RIMS2: variants seen among roughly 807,000 people sequenced by gnomAD.
The protein encoded by RIMS2 is regulating synaptic membrane exocytosis 2, also known as regulating synaptic membrane exocytosis protein 2.
RIMS2 carries 59 observed loss-of-function variants against 174.4 expected under a neutral mutation model. The ratio of observed to expected loss-of-function variants is 0.34; its 90% CI spans 0.27 to 0.42. The LOEUF (loss-of-function observed/expected upper bound fraction) is 0.42. RIMS2 is among the 10% of genes least tolerant of loss of function. The pLI is 1.00. For missense variants in RIMS2, 1,620 were observed against 1,666.3 expected, an observed-to-expected ratio of 0.97 and a Z score of 0.48; for synonymous variants, 606 against 572.5, an observed-to-expected ratio of 1.06 and a Z score of -0.84.
intron 1 of RIMS2, among the ~76,000 whole-genome samples, chr8:103,661,465 T>G (rs2096599205): frequency 1.3e-5 from 2 of 152,278 alleles, no homozygotes; most frequent in Admixed American, 1.3e-4. Flanking sequence ...CTAATTTCCC[T>G]AATTTCCCAT....
intron 12 of RIMS2, among the ~76,000 whole-genome samples, chr8:103,933,421 A>G (rs1433975593): frequency 6.6e-6 from 1 of 152,070 alleles, no homozygotes; most frequent in East Asian, 1.9e-4. Context: ...GCGAGGCATA[A>G]GTTGCAGTGA....
intron 1 of RIMS2, among the ~76,000 whole-genome samples, chr8:103,537,469 A>G (rs966086020): frequency 4.6e-5 from 7 of 152,210 alleles, no homozygotes; most frequent in African/African-American, 1.7e-4. Context: ...TATTTGTCAA[A>G]GAGTAGTTCT....
chr8:103,585,126 C>T (rs1439904627), intron 1 of RIMS2, among the ~76,000 whole-genome samples: 2 of 152,202 alleles, frequency 1.3e-5, no homozygotes, highest in Non-Finnish European at 2.9e-5. Context: ...ATGCGGCCAA[C>T]AAACATATGA....
chr8:103,554,096 C>T (rs1055302887), intron 1 of RIMS2, among the ~76,000 whole-genome samples: 2 of 152,026 alleles, frequency 1.3e-5, no homozygotes, highest in African/African-American at 4.8e-5. Context: ...CTCTAAATAT[C>T]CTGAAGATAA....
At chr8:103,555,077 T>G (rs970239111) in intron 1 of RIMS2, among the ~76,000 whole-genome samples, 2 of 152,130 alleles carry the variant, frequency 1.3e-5, no homozygotes, top group Non-Finnish European at 2.9e-5. Flanking sequence ...CTACCTATCA[T>G]GTACTGTGCT....
At chr8:103,844,481 G>A (rs2098957548) in intron 3 of RIMS2, among the ~76,000 whole-genome samples, 1 of 152,082 alleles carries the variant, frequency 6.6e-6, no homozygotes, top group Non-Finnish European at 1.5e-5. Context: ...TTGAAGGTTG[G>A]TTATGATTCT....
chr8:103,770,041 A>T (rs1244665040), intron 3 of RIMS2, among the ~76,000 whole-genome samples: 1 of 152,204 alleles, frequency 6.6e-6, no homozygotes, highest in Non-Finnish European at 1.5e-5. Flanking sequence ...TTTAAAATGC[A>T]GATTATACAG....
chr8:104,093,133 TAAAAA>T (rs966867439), intron 19 of RIMS2, among the ~76,000 whole-genome samples: 1 of 151,850 alleles, frequency 6.6e-6, no homozygotes, highest in African/African-American at 2.4e-5. Context: ...TATTAAAAAA[TAAAAA>T]AAATTCTACT....
chr8:103,917,841 G>A (rs551413543), intron 8 of RIMS2, among the ~76,000 whole-genome samples: 2 of 151,978 alleles, frequency 1.3e-5, no homozygotes, highest in Admixed American at 6.6e-5. Flanking sequence ...GTGAAACCTC[G>A]TCTCTGCTAA....
chr8:104,165,834 A>G (rs2098793497), intron 19 of RIMS2, among the ~76,000 whole-genome samples: 1 of 152,142 alleles, frequency 6.6e-6, no homozygotes, highest in Non-Finnish European at 1.5e-5. Context: ...CTAAATATCC[A>G]TTCAATTATG....
chr8:103,842,777 G>A (rs1347324489), intron 3 of RIMS2, among the ~76,000 whole-genome samples: 2 of 152,156 alleles, frequency 1.3e-5, no homozygotes, highest in African/African-American at 4.8e-5. Context: ...GTATTAGTTT[G>A]CTAGGGCTGC....
chr8:103,776,769 G>C (rs77950978), intron 3 of RIMS2, among the ~76,000 whole-genome samples: 3,934 of 152,170 alleles, frequency 0.026, 168 homozygotes, highest in African/African-American at 0.088. Flanking sequence ...AAAGTTAGTA[G>C]AATTATTTTA....
intron 1 of RIMS2, among the ~76,000 whole-genome samples, chr8:103,520,161 A>G (rs1040662859): frequency 1.3e-5 from 2 of 152,156 alleles, no homozygotes; most frequent in African/African-American, 2.4e-5. Context: ...ATTAAAAACA[A>G]TGACTATTTC....
At chr8:103,806,287 T>C (rs2098649428) in intron 3 of RIMS2, among the ~76,000 whole-genome samples, 1 of 152,212 alleles carries the variant, frequency 6.6e-6, no homozygotes, top group South Asian at 2.1e-4. Flanking sequence ...CTGAAGGCCT[T>C]GTTCTTTTTA....
intron 3 of RIMS2, among the ~76,000 whole-genome samples, chr8:103,863,906 T>G (rs2099071830): frequency 1.7e-5 from 2 of 120,922 alleles, no homozygotes; most frequent in African/African-American, 3.6e-5. Flanking sequence ...TTTGTTTTTT[T>G]TGTTTGTTTG....
chr8:104,214,794 C>T (rs530412408), intron 19 of RIMS2, among the ~76,000 whole-genome samples: 5 of 152,232 alleles, frequency 3.3e-5, no homozygotes, highest in African/African-American at 9.6e-5. Context: ...TGATGACTTG[C>T]GTAGATTGGT....
intron 19 of RIMS2, among the ~76,000 whole-genome samples, chr8:104,207,081 TA>T (rs200523010): frequency 2.6e-5 from 4 of 151,268 alleles, no homozygotes; most frequent in African/African-American, 9.7e-5. Flanking sequence ...AGACTAGGAT[TA>T]AAAAAAAACA....
chr8:103,717,273 A>G (rs1432644697), intron 2 of RIMS2, among the ~76,000 whole-genome samples: 1 of 150,388 alleles, frequency 6.6e-6, no homozygotes, highest in African/African-American at 2.4e-5. Flanking sequence ...TCTTAGTAGA[A>G]AAAAGGTTAC....
intron 1 of RIMS2, among the ~76,000 whole-genome samples, chr8:103,609,377 A>G (rs1205239338): frequency 6.6e-6 from 1 of 152,122 alleles, no homozygotes. Flanking sequence ...TCTATTTGCC[A>G]ATGTTTGTTT....
Sources: gnomAD v4.1 joint callset for allele counts (sites outside exome capture counted in the v4.1 genomes callset) on GRCh38, gnomAD v4.1.1 for gene constraint, MANE v1.5 for transcripts, NCBI Gene and HGNC (gene_info 2026-07-23, HGNC 2026-07-21) for gene names.